Variants in TRPM7 observed in about 807,000 individuals in gnomAD.
TRPM7 encodes the protein LTRPC ion channel family member 7.
In TRPM7, 134 loss-of-function variants were observed where a neutral mutation model predicts 229.7. That is an observed-to-expected ratio of 0.58 (90% CI 0.51 to 0.67). The LOEUF (loss-of-function observed/expected upper bound fraction) is 0.67, where lower values mean the gene tolerates loss of function less well. TRPM7 is among the 30% of genes least tolerant of loss of function. The probability of loss-of-function intolerance (pLI) is 0.00; values close to 1 mark genes in which losing one functional copy is unlikely to be tolerated. For synonymous variants in TRPM7, 699 were observed against 715.2 expected (o/e 0.98, Z 0.36); for missense variants, 1,901 against 2,210.0 (o/e 0.86, Z 2.80).
rs901191452 is a variant in TRPM7, at chr15:50,686,752, C to G, written c.-219G>C. The G allele has an allele frequency of 2.6e-4, 143 of 540,894 alleles. No homozygotes were observed. The highest frequency in any genetic ancestry group is 4.1e-4 in the Non-Finnish European group (133 of 328,234). 33.5% of individuals were successfully genotyped at this position (540,894 alleles called of 1,614,324 possible). A position where few individuals can be genotyped will look rare whatever the true frequency, so the allele number is the denominator to read the frequency against. ...ACCAACTCCTCCGGGTGACTGGCCACAGGGACGCGCCCGCGCCCGCCTCCG... is the reference window on the plus strand; with the variant it reads ...ACCAACTCCTCCGGGTGACTGGCCAGAGGGACGCGCCCGCGCCCGCCTCCG... On this transcript the variant is annotated 5_prime_UTR_variant, in exon 1 of 39. Transcript: ENST00000646667.
intron 1 of TRPM7, among the ~76,000 whole-genome samples, chr15:50,677,750 A>C (rs1018955222): frequency 3.4e-5 from 5 of 148,252 alleles, no homozygotes; most frequent in African/African-American, 9.9e-5. Flanking sequence ...AAAAAAAAAA[A>C]AAAAAAAAAA....
At chr15:50,631,575 G>C in intron 9 of TRPM7, 86 bp from the exon 10 acceptor site, 1 of 763,746 alleles carries the variant, frequency 1.3e-6, no homozygotes, top group South Asian at 1.8e-5. Flanking sequence ...AACTATATGG[G>C]GGGCAAAATA....
In TRPM7 at chr15:50,634,429, T is replaced by C; in HGVS notation, c.960A>G (p.Arg320=). The C allele has an allele frequency of 6.3e-7, 1 of 1,588,918 alleles. No individual in the cohort carries two copies. The highest frequency in any genetic ancestry group is 8.6e-7 in the Non-Finnish European group (1 of 1,169,536). The change falls in exon 8 of 39, where the codon AGA becomes AGG. Residue 320 remains arginine, a synonymous_variant. Coordinates refer to ENST00000646667, the MANE Select transcript of TRPM7 (RefSeq NM_017672.6). ...VPVVVCEGTG[R]AADLLAYIHK... is the part of the protein sequence containing the mutation. ...GAATATACGCTAGCAGATCTGCAGC[T>C]CTGCCTGTTCCTTCACACACAACTA...
At chr15:50,686,395 TC>T in intron 1 of TRPM7, 135 bp downstream of exon 1, 2 of 1,455,448 alleles carry the variant, frequency 1.4e-6, no homozygotes, top group Non-Finnish European at 1.9e-6. Context: ...AGAGGACAAA[TC>T]CGGAAGCCTC....
chr15:50,565,850 G>A (rs538630633), intron 38 of TRPM7, among the ~76,000 whole-genome samples: 4 of 150,528 alleles, frequency 2.7e-5, no homozygotes, highest in Admixed American at 6.6e-5. Context: ...TTGAGACGGA[G>A]TCTTGCTCTG....
chr15:50,612,493 AAAC>A, intron 16 of TRPM7, 53 bp downstream of exon 16: 1 of 1,546,804 alleles, frequency 6.5e-7, no homozygotes. Flanking sequence ...ACAGCCACTC[AAAC>A]AATACCTACT....
intron 3 of TRPM7, among the ~76,000 whole-genome samples, chr15:50,656,229 T>C (rs1413202679): frequency 6.6e-6 from 1 of 152,090 alleles, no homozygotes; most frequent in African/African-American, 2.4e-5. Context: ...CCTCACCATC[T>C]ATAAGAAGAA....
intron 29 of TRPM7, 175 bp downstream of exon 29, chr15:50,582,913 CT>C (rs772614303): frequency 5.3e-6 from 2 of 378,722 alleles, no homozygotes; most frequent in Non-Finnish European, 4.8e-6. Flanking sequence ...TTTAAAATTC[CT>C]GACTATTCAC....
chr15:50,566,907 C>T (rs1171964328), intron 38 of TRPM7, among the ~76,000 whole-genome samples: 1 of 151,892 alleles, frequency 6.6e-6, no homozygotes, highest in Non-Finnish European at 1.5e-5. Flanking sequence ...AAACCTCTAG[C>T]CAGGCTGATC....
intron 1 of TRPM7, among the ~76,000 whole-genome samples, chr15:50,684,297 G>C (rs992944156): frequency 6.6e-6 from 1 of 151,610 alleles, no homozygotes; most frequent in Admixed American, 6.6e-5. Context: ...GGATTACCAC[G>C]CCCGATTACT....
chr15:50,620,822 C>T (rs753321787), intron 12 of TRPM7, among the ~76,000 whole-genome samples: 1 of 152,076 alleles, frequency 6.6e-6, no homozygotes, highest in Non-Finnish European at 1.5e-5. Context: ...ATTCCAGGTA[C>T]TCGGGAGGCT....
chr15:50,578,421 G>C (rs2054240157), intron 31 of TRPM7: 1 of 383,986 alleles, frequency 2.6e-6, no homozygotes, highest in Non-Finnish European at 4.7e-6. Flanking sequence ...TAGCAGGGAG[G>C]AAGTGTGACA....
intron 38 of TRPM7, among the ~76,000 whole-genome samples, chr15:50,567,753 T>C (rs964765062): frequency 6.6e-6 from 1 of 150,930 alleles, no homozygotes; most frequent in Admixed American, 6.6e-5. Context: ...GAAAAAAAAA[T>C]CTGACAAAAT....
intron 1 of TRPM7, among the ~76,000 whole-genome samples, chr15:50,673,552 A>G (rs1330668681): frequency 2.6e-5 from 4 of 152,210 alleles, no homozygotes; most frequent in African/African-American, 7.2e-5. Flanking sequence ...TACTTCACTT[A>G]GAATTAAGAG....
chr15:50,576,375 T>C (rs1248936662), intron 31 of TRPM7, among the ~76,000 whole-genome samples: 1 of 152,196 alleles, frequency 6.6e-6, no homozygotes, highest in Non-Finnish European at 1.5e-5. Context: ...CTTTAAATGT[T>C]GCAAGAAGAC....
chr15:50,626,893 G>A (rs1050042865), intron 11 of TRPM7, among the ~76,000 whole-genome samples: 1 of 151,944 alleles, frequency 6.6e-6, no homozygotes, highest in African/African-American at 2.4e-5. Context: ...AACAGTTTTA[G>A]AAAGGTACTA....
At chr15:50,589,744 A>C in intron 26 of TRPM7, 88 bp from the exon 27 acceptor site, 2 of 819,770 alleles carry the variant, frequency 2.4e-6, no homozygotes, top group East Asian at 2.6e-5. Flanking sequence ...TAAAAACAAT[A>C]GGTTTATGCT....
rs373781520 is a variant in TRPM7 at position 50,606,379 on chromosome 15, A to AAAACAAAC, written c.2709+813_2709+820dup. Among the ~76,000 whole-genome samples, 533 of 151,976 alleles carry AAAACAAAC rather than the reference A, an allele frequency of 3.5e-3. 5 individuals carry two copies. Among genetic ancestry groups the AAAACAAAC allele is most frequent in the African/African-American group, 0.012 (512 of 41,344 alleles). On this transcript the variant is annotated intron_variant, in intron 20 of 38. Transcript: ENST00000646667. ...GGGTCACAGAGGGAGACTACGTCTC[A>AAAACAAAC]AAACAAACAAACAAACAAACAAACA... is the stretch of plus-strand genomic sequence containing the variant.
intron 3 of TRPM7, among the ~76,000 whole-genome samples, chr15:50,654,610 G>A (rs1366742452): frequency 6.6e-6 from 1 of 151,446 alleles, no homozygotes; most frequent in African/African-American, 2.4e-5. Context: ...GTCATAATGA[G>A]AGTGCACATG....
Sources: allele counts gnomAD v4.1 joint callset (sites outside exome capture counted in the v4.1 genomes callset), GRCh38; gene constraint gnomAD v4.1.1; transcripts MANE v1.5; gene names NCBI Gene and HGNC (gene_info 2026-07-23, HGNC 2026-07-21).